TAFA4: variants seen among roughly 807,000 people sequenced by gnomAD.
TAFA4 encodes the protein TAFA chemokine like family member 4.
TAFA4 carries 20 observed loss-of-function variants against 21.1 expected under a neutral mutation model. That is an observed-to-expected ratio of 0.95 (90% CI 0.67 to 1.38). The LOEUF (loss-of-function observed/expected upper bound fraction) is 1.38, where lower values mean the gene tolerates loss of function less well. TAFA4 is among the 40% of genes most tolerant of loss of function. The probability of loss-of-function intolerance (pLI) is 0.00; values close to 1 mark genes in which losing one functional copy is unlikely to be tolerated. For missense variants in TAFA4, 211 were observed against 180.9 expected (o/e 1.17, Z -0.95); for synonymous variants, 71 against 67.4 (o/e 1.05, Z -0.26).
intron 1 of TAFA4, among the ~76,000 whole-genome samples, chr3:68,912,695 G>A (rs2089972077): frequency 6.6e-6 from 1 of 152,184 alleles, no homozygotes; most frequent in Non-Finnish European, 1.5e-5. Context: ...AGTGCTCCCA[G>A]ATTCATGGCT....
intron 3 of TAFA4, among the ~76,000 whole-genome samples, chr3:68,757,182 T>C (rs754301329): frequency 3.9e-5 from 6 of 152,068 alleles, no homozygotes; most frequent in Non-Finnish European, 8.8e-5. Flanking sequence ...ACTTAAGATG[T>C]CAGCCTGTTC....
intron 1 of TAFA4, among the ~76,000 whole-genome samples, chr3:68,898,808 AC>A (rs1364779202): frequency 1.3e-5 from 2 of 152,082 alleles, no homozygotes; most frequent in Non-Finnish European, 2.9e-5. Flanking sequence ...AAATAAGTAA[AC>A]CCGTTTACTT....
rs560090862 is a variant in TAFA4 at position 68,927,142 on chromosome 3, G to A, written c.-123+5098C>T. Among the ~76,000 whole-genome samples, 9 of 152,206 alleles carry A rather than the reference G, an allele frequency of 5.9e-5. No homozygotes were observed. In the South Asian group the frequency reaches 6.2e-4, roughly 11 times the overall value. ...CAATTTTAAGTTTCCCCTCCACTTCGTGGTCTGTAAGTTTCTTCCTTGCTG... is the reference window on the plus strand; with the variant it reads ...CAATTTTAAGTTTCCCCTCCACTTCATGGTCTGTAAGTTTCTTCCTTGCTG... On this transcript the variant is annotated intron_variant, in intron 1 of 5. Transcript: ENST00000295569.
At chr3:68,745,635 T>C (rs568157081) in intron 4 of TAFA4, among the ~76,000 whole-genome samples, 1 of 152,348 alleles carries the variant, frequency 6.6e-6, no homozygotes, top group South Asian at 2.1e-4. Context: ...ATTAGCTGTT[T>C]TGCTTCTAGT....
rs1432479207 is a variant in TAFA4 at position 68,885,318 on chromosome 3, A to T, written c.-122-8T>A. 4 of 677,962 alleles carry T rather than the reference A, an allele frequency of 5.9e-6. No homozygotes were observed. Among genetic ancestry groups the T allele is most frequent in the African/African-American group, 1.8e-5 (1 of 54,596 alleles). The allele number at this position is 677,962 out of a possible 1,614,324, so 42.0% of individuals were successfully genotyped here. ...TATCGTAGCTCAGAAGACCTATGTT[A>T]AAAAGGCCAAAAAAAAAAAAGGAAT... On this transcript the variant is annotated splice_polypyrimidine_tract_variant and splice_region_variant and intron_variant, in intron 1 of 5. Coordinates refer to ENST00000295569, the MANE Select transcript of TAFA4 (RefSeq NM_182522.5).
chr3:68,880,758 G>A lies in TAFA4; in HGVS notation c.102C>T (p.Ala34=). The part of the protein sequence containing the change: ...VLMVCCKLMS[A]SSQHLRGHAG... ...CATGTCCCCGGAGGTGCTGGCTTGAGGCGGACATCAGCTTACAGCACACCA... is the reference window on the plus strand; with the variant it reads ...CATGTCCCCGGAGGTGCTGGCTTGAAGCGGACATCAGCTTACAGCACACCA... The change falls in exon 3 of 6, where the codon GCC becomes GCT. Residue 34 remains alanine (A), a synonymous_variant. Transcript: ENST00000295569. 6.2e-7 allele frequency: 1 copy of A among 1,613,968 alleles called. No individual in the cohort carries two copies. The highest frequency in any genetic ancestry group is 2.2e-5 in the East Asian group (1 of 44,860).
At chr3:68,790,030 G>C (rs540791716) in intron 3 of TAFA4, among the ~76,000 whole-genome samples, 6 of 152,286 alleles carry the variant, frequency 3.9e-5, no homozygotes, top group Non-Finnish European at 8.8e-5. Context: ...GGTAAATATA[G>C]TCTATTTTTC....
intron 3 of TAFA4, among the ~76,000 whole-genome samples, chr3:68,813,614 A>G (rs1703891324): frequency 1.3e-5 from 2 of 152,236 alleles, no homozygotes; most frequent in Admixed American, 1.3e-4. Context: ...AGACTAAACC[A>G]GGAAGAAGTT....
chr3:68,738,955 A>C (rs890569714), intron 5 of TAFA4, 120 bp downstream of exon 5: 1 of 1,405,180 alleles, frequency 7.1e-7, no homozygotes, highest in Admixed American at 2.3e-5. Context: ...GTAAGGTAGC[A>C]CTGCCCAAGC....
intron 4 of TAFA4, 93 bp downstream of exon 4, chr3:68,752,769 GT>G: frequency 6.6e-7 from 1 of 1,506,530 alleles, no homozygotes; most frequent in Non-Finnish European, 9.2e-7. Context: ...GCAACCCTAG[GT>G]TTCTTTGGGT....
rs558055676 is a variant in TAFA4 at position 68,833,639 on chromosome 3, A to C, written c.130+47091T>G. Among the ~76,000 whole-genome samples the C allele has an allele frequency of 7.5e-4, 114 of 152,346 alleles. 1 individual carries two copies. Among genetic ancestry groups the C allele is most frequent in the Non-Finnish European group, 8.4e-4 (57 of 68,044 alleles). ...CTTTTTTAACTTAAATAGCATGTAA[A>C]TAGTTAATTTGGTTGGAAGAATCAT... is the stretch of plus-strand genomic sequence containing the variant. On this transcript the variant is annotated intron_variant, in intron 3 of 5. Coordinates refer to ENST00000295569, the MANE Select transcript of TAFA4 (RefSeq NM_182522.5).
chr3:68,905,225 G>A (rs13058749), intron 1 of TAFA4, among the ~76,000 whole-genome samples: 31,574 of 144,390 alleles, frequency 0.22, 3,451 homozygotes, highest in Middle Eastern at 0.32. Flanking sequence ...GTGCGATCTC[G>A]GCTCACTGCA....
In TAFA4 at chr3:68,897,641, T is replaced by C. The variant is rs2089805680; in HGVS notation, c.-122-12331A>G. On this transcript the variant is annotated intron_variant, in intron 1 of 5. Transcript: ENST00000295569. Reference sequence around the variant, plus strand: ...AACTCCATCTCAAAAAAAAAAAATATTTATTTTTCCCTTTATCTCTCATTT... The same window carrying C: ...AACTCCATCTCAAAAAAAAAAAATACTTATTTTTCCCTTTATCTCTCATTT... 2.0e-5 allele frequency among the ~76,000 whole-genome samples: 3 copies of C among 151,924 alleles called. No individual in the cohort carries two copies. The South Asian group carries it at 6.2e-4, about 32-fold the overall frequency.
chr3:68,770,162 G>T (rs1158562010), intron 3 of TAFA4, among the ~76,000 whole-genome samples: 1 of 152,122 alleles, frequency 6.6e-6, no homozygotes, highest in Non-Finnish European at 1.5e-5. Flanking sequence ...TGGGTTGTGG[G>T]TTCATTTTTG....
intron 4 of TAFA4, among the ~76,000 whole-genome samples, chr3:68,746,046 G>T (rs1163197126): frequency 1.3e-5 from 2 of 152,132 alleles, no homozygotes; most frequent in Non-Finnish European, 2.9e-5. Flanking sequence ...GCAGGCAGAG[G>T]AGCAGATCTT....
At chr3:68,873,912 C>A (rs557199584) in intron 3 of TAFA4, among the ~76,000 whole-genome samples, 1 of 152,278 alleles carries the variant, frequency 6.6e-6, no homozygotes, top group Non-Finnish European at 1.5e-5. Flanking sequence ...ATTCCCAGCC[C>A]TTTCCCAGGT....
chr3:68,797,431 T>G (rs949197891), intron 3 of TAFA4, among the ~76,000 whole-genome samples: 1 of 151,554 alleles, frequency 6.6e-6, no homozygotes, highest in Admixed American at 6.6e-5. Context: ...GGCTAACACG[T>G]TGAAACCCTG....
chr3:68,846,344 T>C (rs1176175581), intron 3 of TAFA4, among the ~76,000 whole-genome samples: 2 of 152,030 alleles, frequency 1.3e-5, no homozygotes, highest in Non-Finnish European at 2.9e-5. Context: ...GAAGTTCTTG[T>C]GCTGTGTTTT....
intron 3 of TAFA4, among the ~76,000 whole-genome samples, chr3:68,777,168 T>C (rs949912622): frequency 7.9e-5 from 12 of 152,074 alleles, no homozygotes; most frequent in Admixed American, 1.3e-4. Flanking sequence ...TTAATCTTCA[T>C]ACTATAACTG....
Sources: gnomAD v4.1 joint callset for allele counts (sites outside exome capture counted in the v4.1 genomes callset) on GRCh38, gnomAD v4.1.1 for gene constraint, MANE v1.5 for transcripts, NCBI Gene and HGNC (gene_info 2026-07-23, HGNC 2026-07-21) for gene names.